Variants in EPYC observed in about 807,000 individuals in gnomAD.
EPYC encodes the protein dermatan sulfate proteoglycan 3.
In EPYC, 28 loss-of-function variants were observed where a neutral mutation model predicts 30.1. That is an observed-to-expected ratio of 0.93 (90% CI 0.69 to 1.28). EPYC has a LOEUF of 1.28. Ranked by LOEUF, EPYC falls within the 50% of genes most tolerant of loss-of-function variation. EPYC has a pLI of 0.00. For missense variants in EPYC, 382 were observed against 383.5 expected (o/e 1.00, Z 0.03); for synonymous variants, 144 against 141.4 (o/e 1.02, Z -0.13).
At chr12:90,970,222 T>G in intron 5 of EPYC, 83 bp from the exon 6 acceptor site, 2 of 937,780 alleles carry the variant, frequency 2.1e-6, no homozygotes, top group Non-Finnish European at 3.4e-6. Context: ...GTATTTCCCA[T>G]TCCCTCTACA....
intron 6 of EPYC, among the ~76,000 whole-genome samples, chr12:90,966,968 C>A (rs1000275608): frequency 6.6e-6 from 1 of 151,890 alleles, no homozygotes; most frequent in Non-Finnish European, 1.5e-5. Flanking sequence ...GTAGTAATGT[C>A]CCCTTTCTTA....
chr12:90,964,368 T>C (rs767772770), intron 6 of EPYC, 42 bp from the exon 7 acceptor site: 4 of 1,458,128 alleles, frequency 2.7e-6, no homozygotes, highest in South Asian at 2.5e-5. Flanking sequence ...TATAACACAT[T>C]CTTAGTATTG....
At chr12:90,964,838 C>T (rs1216616841) in intron 6 of EPYC, among the ~76,000 whole-genome samples, 3 of 152,036 alleles carry the variant, frequency 2.0e-5, no homozygotes, top group Admixed American at 6.6e-5. Context: ...AGCAAATATC[C>T]GGAAGATAAG....
At chr12:90,972,332 G>A (rs576991109) in intron 4 of EPYC, among the ~76,000 whole-genome samples, 1 of 152,156 alleles carries the variant, frequency 6.6e-6, no homozygotes, top group East Asian at 1.9e-4. Flanking sequence ...CAAAGATACA[G>A]GCATTAGAAA....
At chr12:90,984,860 G>T (rs749881549) in intron 2 of EPYC, among the ~76,000 whole-genome samples, 8 of 152,040 alleles carry the variant, frequency 5.3e-5, no homozygotes, top group Non-Finnish European at 1.2e-4. Flanking sequence ...AGGGGAATTT[G>T]GCCCAACCCA....
At chr12:90,983,899 G>A (rs1389922104) in intron 2 of EPYC, among the ~76,000 whole-genome samples, 1 of 152,092 alleles carries the variant, frequency 6.6e-6, no homozygotes, top group Non-Finnish European at 1.5e-5. Flanking sequence ...AAGCCCCATT[G>A]GAGGGGGTTA....
At chr12:91,004,101 A>C (rs1877895097) in intron 1 of EPYC, among the ~76,000 whole-genome samples, 1 of 152,120 alleles carries the variant, frequency 6.6e-6, no homozygotes, top group African/African-American at 2.4e-5. Context: ...GGGTTTGCAA[A>C]TCTTCCAGGA....
intron 2 of EPYC, among the ~76,000 whole-genome samples, chr12:90,980,364 G>A (rs1242884217): frequency 6.6e-6 from 1 of 152,034 alleles, no homozygotes; most frequent in Non-Finnish European, 1.5e-5. Flanking sequence ...ATGCTTCCTT[G>A]CAAATAAAAC....
intron 2 of EPYC, among the ~76,000 whole-genome samples, chr12:90,998,195 T>C (rs1416964593): frequency 6.6e-6 from 1 of 152,124 alleles, no homozygotes; most frequent in African/African-American, 2.4e-5. Flanking sequence ...AAATGCTCAC[T>C]TAAGGTTAGC....
intron 6 of EPYC, among the ~76,000 whole-genome samples, chr12:90,967,517 A>AT: frequency 6.6e-6 from 1 of 152,306 alleles, no homozygotes; most frequent in South Asian, 2.1e-4. Flanking sequence ...GTGGCCTAGT[A>AT]TGTGGTCTAC....
chr12:90,990,280 G>C (rs1877551456), intron 2 of EPYC, among the ~76,000 whole-genome samples: 1 of 151,872 alleles, frequency 6.6e-6, no homozygotes, highest in African/African-American at 2.4e-5. Flanking sequence ...CTTTTAATTT[G>C]TAGAACTTCT....
chr12:90,993,456 C>T (rs1222513639), intron 2 of EPYC, among the ~76,000 whole-genome samples: 1 of 152,212 alleles, frequency 6.6e-6, no homozygotes, highest in Non-Finnish European at 1.5e-5. Flanking sequence ...CTTCTTCTCA[C>T]CTGATCCTGA....
intron 2 of EPYC, among the ~76,000 whole-genome samples, chr12:91,001,158 G>C (rs955165766): frequency 2.0e-5 from 3 of 152,000 alleles, no homozygotes; most frequent in Admixed American, 6.6e-5. Flanking sequence ...AGAGAAGGGG[G>C]AGAGGGGAGT....
chr12:90,982,498 T>C (rs1306660501), intron 2 of EPYC, among the ~76,000 whole-genome samples: 1 of 152,076 alleles, frequency 6.6e-6, no homozygotes. Context: ...CCCCAGGCAA[T>C]CACTTACCAA....
intron 3 of EPYC, among the ~76,000 whole-genome samples, chr12:90,976,897 T>C (rs1205536150): frequency 6.6e-6 from 1 of 152,122 alleles, no homozygotes; most frequent in Non-Finnish European, 1.5e-5. Flanking sequence ...TCTTTCCTGC[T>C]GCCATGTAAG....
At chr12:90,986,103 G>A (rs949590200) in intron 2 of EPYC, among the ~76,000 whole-genome samples, 1 of 151,986 alleles carries the variant, frequency 6.6e-6, no homozygotes, top group Non-Finnish European at 1.5e-5. Context: ...GCCAAAGTTG[G>A]AGCTATTATC....
intron 2 of EPYC, among the ~76,000 whole-genome samples, chr12:90,983,813 T>C (rs992795745): frequency 1.2e-4 from 19 of 152,148 alleles, no homozygotes; most frequent in Non-Finnish European, 2.9e-5. Flanking sequence ...GAATGATTTC[T>C]AGCATAAATT....
chr12:90,966,302 G>A (rs1876893625), intron 6 of EPYC, among the ~76,000 whole-genome samples: 1 of 151,956 alleles, frequency 6.6e-6, no homozygotes, highest in Non-Finnish European at 1.5e-5. Context: ...TTGGATTGAA[G>A]AAGTTCCTTC....
At chr12:90,989,695 T>C (rs912970313) in intron 2 of EPYC, among the ~76,000 whole-genome samples, 2 of 152,088 alleles carry the variant, frequency 1.3e-5, no homozygotes, top group African/African-American at 4.8e-5. Flanking sequence ...GGGACTTTAG[T>C]ATTTTTTCTT....
Sources: gnomAD v4.1 joint callset for allele counts (sites outside exome capture counted in the v4.1 genomes callset) on GRCh38, gnomAD v4.1.1 for gene constraint, MANE v1.5 for transcripts, NCBI Gene and HGNC (gene_info 2026-07-23, HGNC 2026-07-21) for gene names.